MNAT1: variants seen among roughly 807,000 people sequenced by gnomAD.
MNAT1 encodes MNAT1 component of CDK activating kinase, also known as CDK-activating kinase assembly factor MAT1.
In MNAT1, 43 loss-of-function variants were observed where a neutral mutation model predicts 42.0. The observed-to-expected ratio is 1.02, with a 90% CI of 0.80 to 1.32. MNAT1 has a LOEUF of 1.32. Ranked by LOEUF, MNAT1 falls within the 40% of genes most tolerant of loss-of-function variation. The pLI, the probability that MNAT1 is intolerant of heterozygous loss-of-function variation, is 0.00. For synonymous variants in MNAT1, 118 were observed against 120.0 expected, an observed-to-expected ratio of 0.98 and a Z score of 0.11; for missense variants, 306 against 350.4, an observed-to-expected ratio of 0.87 and a Z score of 1.01.
chr14:60,844,439 AT>A (rs1177196201), intron 6 of MNAT1, among the ~76,000 whole-genome samples: 1 of 151,920 alleles, frequency 6.6e-6, no homozygotes, highest in Non-Finnish European at 1.5e-5. Context: ...ACTTATTGTC[AT>A]TTTTTTCCCT....
At chr14:60,902,434 T>G (rs2035090307) in intron 7 of MNAT1, among the ~76,000 whole-genome samples, 1 of 152,184 alleles carries the variant, frequency 6.6e-6, no homozygotes, top group Non-Finnish European at 1.5e-5. Context: ...TCTTGCTACT[T>G]ATCTTTCTCA....
chr14:60,758,126 T>C (rs1275241673), intron 1 of MNAT1, among the ~76,000 whole-genome samples: 1 of 152,186 alleles, frequency 6.6e-6, no homozygotes, highest in Non-Finnish European at 1.5e-5. Flanking sequence ...TGCCCATAAC[T>C]GTCTCCTTAA....
chr14:60,817,685 C>A (rs4151224), intron 5 of MNAT1, among the ~76,000 whole-genome samples: 3,018 of 152,078 alleles, frequency 0.02, 116 homozygotes, highest in African/African-American at 0.069. Flanking sequence ...AAATTAAAAT[C>A]TGTATGTTTG....
In MNAT1 at chr14:60,844,417, G is replaced by C. The variant is rs972146380; in HGVS notation, c.687+25570G>C. Among the ~76,000 whole-genome samples the C allele has an allele frequency of 1.3e-5, 2 of 151,876 alleles. 1 individual carries two copies. The highest frequency in any genetic ancestry group is 1.3e-4 in the Admixed American group (2 of 15,272). ...TCAGCAATGTTTTGTAGTTTTCAGTGGTTTGTGTTAGACTTATTGTCATTT... is the reference window on the plus strand; with the variant it reads ...TCAGCAATGTTTTGTAGTTTTCAGTCGTTTGTGTTAGACTTATTGTCATTT... On this transcript the variant is annotated intron_variant, in intron 6 of 7. Transcript: ENST00000261245.
intron 6 of MNAT1, among the ~76,000 whole-genome samples, chr14:60,849,671 G>A (rs747254047): frequency 1.3e-5 from 2 of 152,040 alleles, no homozygotes; most frequent in Non-Finnish European, 2.9e-5. Flanking sequence ...CTAAGCACAG[G>A]TGGACAGTGG....
At chr14:60,904,284 A>G (rs745760107) in intron 7 of MNAT1, among the ~76,000 whole-genome samples, 2 of 152,250 alleles carry the variant, frequency 1.3e-5, no homozygotes, top group African/African-American at 4.8e-5. Context: ...ATAACATATA[A>G]TTTATACTAT....
At chr14:60,747,254 G>A (rs79069540) in intron 1 of MNAT1, among the ~76,000 whole-genome samples, 3,522 of 152,006 alleles carry the variant, frequency 0.023, 146 homozygotes, top group African/African-American at 0.081. Flanking sequence ...AAAGTGCTAG[G>A]ATTACAGGCG....
chr14:60,888,161 A>C (rs1228125925), intron 7 of MNAT1, among the ~76,000 whole-genome samples: 2 of 139,298 alleles, frequency 1.4e-5, no homozygotes, highest in African/African-American at 2.7e-5. Flanking sequence ...AGAATTTTAG[A>C]CCAATATCCT....
chr14:60,886,647 G>C (rs1485896267), intron 7 of MNAT1, among the ~76,000 whole-genome samples: 1 of 151,600 alleles, frequency 6.6e-6, no homozygotes, highest in African/African-American at 2.4e-5. Flanking sequence ...AAAAGCTAAT[G>C]TAATGTTTTG....
intron 6 of MNAT1, among the ~76,000 whole-genome samples, chr14:60,837,325 G>T (rs1365805737): frequency 2.0e-5 from 3 of 152,202 alleles, no homozygotes; most frequent in Admixed American, 2.0e-4. Context: ...CCAGTTTTGT[G>T]CTTGAAACCC....
intron 6 of MNAT1, among the ~76,000 whole-genome samples, chr14:60,857,722 C>A (rs1449265059): frequency 6.6e-6 from 1 of 152,028 alleles, no homozygotes; most frequent in Non-Finnish European, 1.5e-5. Context: ...TATCCCTCCC[C>A]CAGCCCCCCA....
Position 60,808,426 on chromosome 14 carries a change from C to T in MNAT1, c.418C>T (p.Leu140=), listed in dbSNP as rs953083558. The T allele has an allele frequency of 1.3e-6, 2 of 1,507,742 alleles. No homozygotes were observed. Among genetic ancestry groups the T allele is most frequent in the Non-Finnish European group, 1.8e-6 (2 of 1,112,754 alleles). 93.4% of individuals were successfully genotyped at this position (1,507,742 alleles called of 1,614,324 possible). ...TGTTATTCAGAAAAATAAATTAAAGCTGGTCGGTTGCTAAGTATTTTCTTC... is the reference window on the plus strand; with the variant it reads ...TGTTATTCAGAAAAATAAATTAAAGTTGGTCGGTTGCTAAGTATTTTCTTC... ...KDVIQKNKLK[L]TREQEELEEA... is the part of the protein sequence containing the mutation. Residue 140 remains leucine, a splice_region_variant and synonymous_variant, in exon 4 of 8, where the codon CTG becomes TTG. Coordinates refer to ENST00000261245, the MANE Select transcript of MNAT1 (RefSeq NM_002431.4).
At chr14:60,840,638 T>C (rs1328902729) in intron 6 of MNAT1, among the ~76,000 whole-genome samples, 2 of 152,140 alleles carry the variant, frequency 1.3e-5, no homozygotes, top group African/African-American at 2.4e-5. Context: ...AAAGAACATA[T>C]GTTAAAGGAT....
chr14:60,790,739 G>C (rs972820411), intron 1 of MNAT1, among the ~76,000 whole-genome samples: 2 of 152,122 alleles, frequency 1.3e-5, no homozygotes, highest in East Asian at 3.8e-4. Context: ...CAGGGTAATG[G>C]TGAATTCTTA....
At chr14:60,925,267 A>G (rs1193195164) in intron 7 of MNAT1, among the ~76,000 whole-genome samples, 1 of 152,218 alleles carries the variant, frequency 6.6e-6, no homozygotes, top group Non-Finnish European at 1.5e-5. Flanking sequence ...TTAAATAAAT[A>G]AAGTATATGA....
At chr14:60,936,622 T>C (rs1465951579) in intron 7 of MNAT1, among the ~76,000 whole-genome samples, 2 of 152,120 alleles carry the variant, frequency 1.3e-5, no homozygotes, top group East Asian at 1.9e-4. Context: ...ATCCAGTCTA[T>C]CATTGTTGGA....
chr14:60,910,889 A>C (rs971863515), intron 7 of MNAT1, among the ~76,000 whole-genome samples: 2 of 152,188 alleles, frequency 1.3e-5, no homozygotes, highest in Non-Finnish European at 2.9e-5. Context: ...GAATAGTTTC[A>C]GAAGGAATGG....
intron 1 of MNAT1, among the ~76,000 whole-genome samples, chr14:60,759,320 C>T (rs2030497508): frequency 6.6e-6 from 1 of 152,186 alleles, no homozygotes; most frequent in Admixed American, 6.6e-5. Context: ...CAGCTTCCAG[C>T]ACCTTTCCTA....
intron 4 of MNAT1, among the ~76,000 whole-genome samples, chr14:60,811,602 C>T (rs2032548069): frequency 6.6e-6 from 1 of 151,958 alleles, no homozygotes; most frequent in South Asian, 2.1e-4. Context: ...GCGTAGGGCT[C>T]TTATTTCTTA....
Sources: allele counts gnomAD v4.1 joint callset (sites outside exome capture counted in the v4.1 genomes callset), GRCh38; gene constraint gnomAD v4.1.1; transcripts MANE v1.5; gene names NCBI Gene and HGNC (gene_info 2026-07-23, HGNC 2026-07-21).